Variants in SNX30 observed in about 807,000 individuals in gnomAD.
The protein encoded by SNX30 is sorting nexin family member 30.
In SNX30, 24 loss-of-function variants were observed where a neutral mutation model predicts 46.4. That is an observed-to-expected ratio of 0.52 (90% CI 0.37 to 0.73). SNX30 has a LOEUF of 0.73. SNX30 is among the 30% of genes least tolerant of loss of function. The pLI, the probability that SNX30 is intolerant of heterozygous loss-of-function variation, is 0.00. For synonymous variants in SNX30, 189 were observed against 211.5 expected (o/e 0.89, Z 0.92); for missense variants, 533 against 555.7 (o/e 0.96, Z 0.41).
chr9:112,811,509 G>T (rs917040997), intron 2 of SNX30, among the ~76,000 whole-genome samples: 2 of 152,126 alleles, frequency 1.3e-5, no homozygotes, highest in African/African-American at 4.8e-5. Context: ...CTGGATGACC[G>T]ATTAGACTGT....
intron 7 of SNX30, among the ~76,000 whole-genome samples, chr9:112,856,007 G>C (rs1841120933): frequency 2.0e-5 from 3 of 152,106 alleles, no homozygotes; most frequent in African/African-American, 7.2e-5. Context: ...TGACAGTGAG[G>C]GTAACAGAGA....
At chr9:112,836,536 C>G (rs1448977158) in intron 5 of SNX30, 127 bp downstream of exon 5, 12 of 998,276 alleles carry the variant, frequency 1.2e-5, no homozygotes. Context: ...TTTTGCTTAT[C>G]AAAGAAATAC....
intron 1 of SNX30, among the ~76,000 whole-genome samples, chr9:112,765,114 G>A (rs1165564918): frequency 5.3e-5 from 8 of 152,136 alleles, no homozygotes; most frequent in Admixed American, 1.3e-4. Flanking sequence ...TCCAGCTACC[G>A]GGTTCAGAAG....
At position 112,868,926 on chromosome 9, in the gene SNX30, C is replaced by T. The variant is rs1564298969; in HGVS notation, c.*83C>T. On this transcript the variant is annotated 3_prime_UTR_variant, in exon 9 of 9. Coordinates refer to ENST00000374232, the MANE Select transcript of SNX30 (RefSeq NM_001012994.2). ...GAATGTCCCTGCAGTGCCAGAGACG[C>T]AGTGCTGGGAAAACAACCACAGAAA... 1 of 1,347,280 alleles carries T rather than the reference C, an allele frequency of 7.4e-7. No homozygotes were observed. Among genetic ancestry groups the T allele is most frequent in the Non-Finnish European group, 1.1e-6 (1 of 938,830 alleles). 83.5% of individuals were successfully genotyped at this position (1,347,280 alleles called of 1,614,324 possible).
chr9:112,833,494 A>G (rs1274418387), intron 4 of SNX30, among the ~76,000 whole-genome samples: 2 of 152,292 alleles, frequency 1.3e-5, no homozygotes, highest in Non-Finnish European at 1.5e-5. Context: ...CCCCATCTCT[A>G]TATATTAAAA....
At chr9:112,835,995 G>A (rs1334420870) in intron 4 of SNX30, among the ~76,000 whole-genome samples, 1 of 152,210 alleles carries the variant, frequency 6.6e-6, no homozygotes, top group Non-Finnish European at 1.5e-5. Context: ...GTTCAGCTCT[G>A]CTGAAAGGGA....
intron 3 of SNX30, among the ~76,000 whole-genome samples, chr9:112,824,988 ACT>A (rs1169785212): frequency 6.6e-6 from 1 of 151,920 alleles, no homozygotes; most frequent in Non-Finnish European, 1.5e-5. Context: ...TTAAGGAACC[ACT>A]CTCAATTCCC....
At chr9:112,824,187 T>A (rs892720635) in intron 3 of SNX30, among the ~76,000 whole-genome samples, 1 of 152,212 alleles carries the variant, frequency 6.6e-6, no homozygotes, top group Non-Finnish European at 1.5e-5. Flanking sequence ...AAATATGCTA[T>A]TGTTTCAGAT....
intron 6 of SNX30, among the ~76,000 whole-genome samples, chr9:112,840,382 G>GA (rs1406056156): frequency 6.6e-6 from 1 of 152,188 alleles, no homozygotes; most frequent in Non-Finnish European, 1.5e-5. Context: ...TATACACATT[G>GA]AATTTTTGAT....
chr9:112,838,797 C>A, intron 6 of SNX30, 100 bp downstream of exon 6: 1 of 1,189,504 alleles, frequency 8.4e-7, no homozygotes, highest in Non-Finnish European at 1.2e-6. Flanking sequence ...TATAAGTTTC[C>A]TTCTTCCTGG....
At chr9:112,814,534 C>G (rs1012820773) in intron 2 of SNX30, among the ~76,000 whole-genome samples, 2 of 152,118 alleles carry the variant, frequency 1.3e-5, no homozygotes, top group African/African-American at 4.8e-5. Flanking sequence ...AGCCACTGCG[C>G]CTGGCTGGAC....
At chr9:112,855,745 T>C (rs1368753481) in intron 7 of SNX30, among the ~76,000 whole-genome samples, 3 of 152,140 alleles carry the variant, frequency 2.0e-5, no homozygotes, top group Non-Finnish European at 4.4e-5. Context: ...GAGGTGGTGA[T>C]TCCCAGGCAG....
At chr9:112,779,352 A>G (rs1839807922) in intron 1 of SNX30, among the ~76,000 whole-genome samples, 1 of 152,110 alleles carries the variant, frequency 6.6e-6, no homozygotes, top group Non-Finnish European at 1.5e-5. Context: ...CTTCTGTTTC[A>G]TATTCTCTTT....
At chr9:112,773,976 A>T (rs1839696140) in intron 1 of SNX30, among the ~76,000 whole-genome samples, 1 of 152,224 alleles carries the variant, frequency 6.6e-6, no homozygotes, top group Non-Finnish European at 1.5e-5. Flanking sequence ...GAATCTTTCT[A>T]TGTGACCTGT....
At chr9:112,808,165 C>T (rs1398824523) in intron 2 of SNX30, among the ~76,000 whole-genome samples, 1 of 152,202 alleles carries the variant, frequency 6.6e-6, no homozygotes, top group Non-Finnish European at 1.5e-5. Context: ...AAGAGGAACA[C>T]GGGATCCCAA....
chr9:112,815,451 C>A (rs1284034921), intron 2 of SNX30, among the ~76,000 whole-genome samples: 1 of 151,672 alleles, frequency 6.6e-6, no homozygotes, highest in Non-Finnish European at 1.5e-5. Context: ...GCCTCCCCCT[C>A]TGGGGTTCAA....
At chr9:112,786,258 TAGCCGTGC>T (rs1212349995) in intron 1 of SNX30, among the ~76,000 whole-genome samples, 1 of 151,948 alleles carries the variant, frequency 6.6e-6, no homozygotes, top group Non-Finnish European at 1.5e-5. Flanking sequence ...GCTGGGACTA[TAGCCGTGC>T]ACCATCACGC....
At chr9:112,828,972 G>T (rs1435412167) in intron 3 of SNX30, among the ~76,000 whole-genome samples, 1 of 152,046 alleles carries the variant, frequency 6.6e-6, no homozygotes, top group Non-Finnish European at 1.5e-5. Flanking sequence ...CTGTGGGTTT[G>T]CCTATTCTGG....
chr9:112,863,743 A>T (rs1841275013), intron 7 of SNX30, among the ~76,000 whole-genome samples: 1 of 152,184 alleles, frequency 6.6e-6, no homozygotes, highest in Non-Finnish European at 1.5e-5. Flanking sequence ...TAGTTGTCTT[A>T]TTGCAATTCT....
Sources: allele counts gnomAD v4.1 joint callset (sites outside exome capture counted in the v4.1 genomes callset), GRCh38; gene constraint gnomAD v4.1.1; transcripts MANE v1.5; gene names NCBI Gene and HGNC (gene_info 2026-07-23, HGNC 2026-07-21).